The following ADAMTS12 variants were observed in gnomAD, a reference collection of about 807,000 sequenced individuals.
ADAMTS12 encodes the protein A disintegrin and metalloproteinase with thrombospondin motifs 12.
A neutral mutation model predicts 167.8 loss-of-function variants in ADAMTS12; 118 were observed. That is an observed-to-expected ratio of 0.70 (90% CI 0.61 to 0.82). The LOEUF is 0.82. ADAMTS12 is among the 40% of genes least tolerant of loss of function. The pLI is 0.00. For synonymous variants in ADAMTS12, 704 were observed against 716.9 expected (o/e 0.98, Z 0.29); for missense variants, 1,916 against 1,998.8 (o/e 0.96, Z 0.79).
intron 23 of ADAMTS12, among the ~76,000 whole-genome samples, chr5:33,529,723 G>A (rs560928394): frequency 7.9e-5 from 12 of 152,212 alleles, no homozygotes; most frequent in Admixed American, 7.8e-4. Context: ...AATGTCTTCT[G>A]TTAGCTTCCA....
intron 16 of ADAMTS12, among the ~76,000 whole-genome samples, chr5:33,600,775 C>A (rs1738149270): frequency 6.6e-6 from 1 of 152,126 alleles, no homozygotes; most frequent in South Asian, 2.1e-4. Flanking sequence ...TTAGACATAA[C>A]ATTGATTTTA....
At chr5:33,563,539 A>G (rs1745851152) in intron 19 of ADAMTS12, among the ~76,000 whole-genome samples, 1 of 152,316 alleles carries the variant, frequency 6.6e-6, no homozygotes, top group South Asian at 2.1e-4. Context: ...GTCAGCATCC[A>G]GGTGTTCAGA....
intron 2 of ADAMTS12, among the ~76,000 whole-genome samples, chr5:33,848,060 C>T (rs1391695182): frequency 1.3e-5 from 2 of 151,628 alleles, no homozygotes; most frequent in African/African-American, 4.8e-5. Context: ...ACTAAAAATA[C>T]AAAAAAAGGA....
intron 3 of ADAMTS12, among the ~76,000 whole-genome samples, chr5:33,688,488 C>T (rs1360654321): frequency 6.6e-6 from 1 of 152,188 alleles, no homozygotes; most frequent in Non-Finnish European, 1.5e-5. Context: ...TTACCGAGTA[C>T]TTTTTCCTTC....
intron 13 of ADAMTS12, among the ~76,000 whole-genome samples, chr5:33,625,106 G>A (rs1474671483): frequency 6.6e-6 from 1 of 152,090 alleles, no homozygotes; most frequent in Non-Finnish European, 1.5e-5. Context: ...TCAGCCTTCT[G>A]AGTAGCTGGG....
At position 33,549,303 on chromosome 5, in the gene ADAMTS12, T is replaced by C. The variant is rs377465813; in HGVS notation, c.4206A>G (p.Pro1402=). The part of the protein sequence containing the change: ...VDSRDHRNLR[P]FHCQFLAGIP... ...TGCCGGCCAGGAACTGGCAGTGAAA[T>C]GGCCTCAGGTTCCGGTGGTCCCGGC... The change falls in exon 21 of 24, where the codon CCA becomes CCG. Residue 1402 remains proline, a synonymous_variant. Coordinates refer to ENST00000504830, the MANE Select transcript of ADAMTS12 (RefSeq NM_030955.4). 9 of 1,614,042 alleles carry C rather than the reference T, an allele frequency of 5.6e-6. No individual in the cohort carries two copies. Among genetic ancestry groups the C allele is most frequent in the African/African-American group, 1.3e-5 (1 of 74,912 alleles).
chr5:33,623,708 C>T (rs1480856157), intron 14 of ADAMTS12, among the ~76,000 whole-genome samples: 13 of 152,194 alleles, frequency 8.5e-5, no homozygotes, highest in South Asian at 6.2e-4. Context: ...TGGGAATAAA[C>T]GAGATTTGAT....
At chr5:33,851,138 C>A (rs902554083) in intron 2 of ADAMTS12, among the ~76,000 whole-genome samples, 1 of 152,314 alleles carries the variant, frequency 6.6e-6, no homozygotes, top group African/African-American at 2.4e-5. Context: ...GGAGGCCAGA[C>A]ACAGTGGCTC....
At position 33,683,018 on chromosome 5, in the gene ADAMTS12, CTCT is replaced by C. The variant is rs747376290; in HGVS notation, c.912_914del (p.Glu305del). 16 of 1,611,312 alleles carry C rather than the reference CTCT, an allele frequency of 9.9e-6. No individual in the cohort carries two copies. Among genetic ancestry groups the C allele is most frequent in the Non-Finnish European group, 1.4e-5 (16 of 1,178,752 alleles). On this transcript the variant is annotated inframe_deletion and splice_region_variant, in exon 5 of 24. Transcript: ENST00000504830. ...GAAGAGTGAAGGGAAAAAATGTTAC[CTCT>C]TCTTCTTCGAGTAGAATGAGCCGAA...
At chr5:33,685,340 A>G (rs1742284243) in intron 3 of ADAMTS12, among the ~76,000 whole-genome samples, 1 of 152,226 alleles carries the variant, frequency 6.6e-6, no homozygotes, top group Non-Finnish European at 1.5e-5. Context: ...CCTCTCTGTC[A>G]TTCCTCCTCG....
intron 16 of ADAMTS12, among the ~76,000 whole-genome samples, chr5:33,603,050 G>C (rs1360402963): frequency 1.3e-5 from 2 of 152,164 alleles, no homozygotes; most frequent in Non-Finnish European, 2.9e-5. Context: ...TCTCTCTTTT[G>C]TGTAGGCCAC....
intron 2 of ADAMTS12, among the ~76,000 whole-genome samples, chr5:33,872,154 C>T (rs1378079660): frequency 6.6e-6 from 1 of 152,120 alleles, no homozygotes; most frequent in Non-Finnish European, 1.5e-5. Context: ...ATGTCAGTTC[C>T]CTGAAATATC....
intron 2 of ADAMTS12, among the ~76,000 whole-genome samples, chr5:33,879,700 TC>T (rs1561324553): frequency 1.3e-5 from 2 of 152,216 alleles, no homozygotes; most frequent in Admixed American, 6.5e-5. Flanking sequence ...AGCAAGACTT[TC>T]CATTTATTGT....
At chr5:33,668,420 G>T (rs1159304713) in intron 5 of ADAMTS12, among the ~76,000 whole-genome samples, 1 of 152,162 alleles carries the variant, frequency 6.6e-6, no homozygotes, top group Non-Finnish European at 1.5e-5. Context: ...ATATTTAGTG[G>T]TCCTGGCATC....
intron 16 of ADAMTS12, chr5:33,603,299 T>G (rs1355194971): frequency 2.0e-5 from 3 of 152,212 alleles, no homozygotes; most frequent in African/African-American, 7.2e-5. Context: ...AAATATTTTC[T>G]TATAAGGAGT....
intron 23 of ADAMTS12, 52 bp from the exon 24 acceptor site, chr5:33,527,418 G>T: frequency 6.4e-7 from 1 of 1,556,416 alleles, no homozygotes; most frequent in Non-Finnish European, 8.8e-7. Context: ...ATCCTTTGTG[G>T]ATATACAAGC....
At chr5:33,648,706 TA>T in intron 9 of ADAMTS12, 115 bp downstream of exon 9, 1 of 1,311,278 alleles carries the variant, frequency 7.6e-7, no homozygotes, top group Non-Finnish European at 1.1e-6. Flanking sequence ...GCCTTAAATA[TA>T]AAGCTTCTAT....
intron 16 of ADAMTS12, among the ~76,000 whole-genome samples, chr5:33,607,592 G>A (rs548672219): frequency 2.9e-4 from 44 of 152,232 alleles, no homozygotes; most frequent in African/African-American, 7.7e-4. Flanking sequence ...TCTGTAAATT[G>A]CTTTGGGCTG....
At chr5:33,779,472 C>T (rs62349788) in intron 2 of ADAMTS12, among the ~76,000 whole-genome samples, 19,106 of 152,188 alleles carry the variant, frequency 0.13, 1,575 homozygotes, top group East Asian at 0.4. Context: ...AGGCATGAGC[C>T]GTCGCATTTG....
Sources: allele counts gnomAD v4.1 joint callset (sites outside exome capture counted in the v4.1 genomes callset), GRCh38; gene constraint gnomAD v4.1.1; transcripts MANE v1.5; gene names NCBI Gene and HGNC (gene_info 2026-07-23, HGNC 2026-07-21).